NRG1: variants seen among roughly 807,000 people sequenced by gnomAD.
NRG1 encodes the protein neuregulin 1.
Under a neutral mutation model 63.8 loss-of-function variants are expected in NRG1, and 18 were observed. That is an observed-to-expected ratio of 0.28 (90% confidence interval 0.19 to 0.42). NRG1 has a LOEUF of 0.42. Among genes scored for constraint, NRG1 ranks in the 10% least tolerant of loss-of-function variants. The pLI is 1.00. For missense variants in NRG1, 762 were observed against 814.7 expected, an observed-to-expected ratio of 0.94 and a Z score of 0.79; for synonymous variants, 302 against 301.3, an observed-to-expected ratio of 1.00 and a Z score of -0.02.
chr8:32,229,404 G>C (rs1011190423), intron 1 of NRG1, among the ~76,000 whole-genome samples: 1 of 152,112 alleles, frequency 6.6e-6, no homozygotes. Context: ...CAAGATGAAC[G>C]AGTGAACAAC....
intron 1 of NRG1, among the ~76,000 whole-genome samples, chr8:32,224,328 G>T (rs1357798229): frequency 6.6e-6 from 1 of 152,124 alleles, no homozygotes; most frequent in Non-Finnish European, 1.5e-5. Context: ...TTGCAGTACA[G>T]CTCCACCCTT....
At chr8:32,659,946 A>G (rs939654982) in intron 5 of NRG1, among the ~76,000 whole-genome samples, 1 of 152,092 alleles carries the variant, frequency 6.6e-6, no homozygotes, top group Non-Finnish European at 1.5e-5. Context: ...AACCCCCCAT[A>G]ACCTATTGCT....
intron 5 of NRG1, among the ~76,000 whole-genome samples, chr8:32,631,405 T>G (rs889073498): frequency 6.6e-6 from 1 of 152,184 alleles, no homozygotes; most frequent in Admixed American, 6.5e-5. Context: ...TCTCATCTTC[T>G]AATGCACTGG....
At chr8:32,609,157 T>G (rs1232681252) in intron 3 of NRG1, among the ~76,000 whole-genome samples, 1 of 152,154 alleles carries the variant, frequency 6.6e-6, no homozygotes, top group Non-Finnish European at 1.5e-5. Context: ...AAGGCCAGTT[T>G]CCTGTACATT....
At chr8:32,423,447 C>T (rs1478520337) in intron 1 of NRG1, among the ~76,000 whole-genome samples, 1 of 152,118 alleles carries the variant, frequency 6.6e-6, no homozygotes, top group Non-Finnish European at 1.5e-5. Context: ...TCAGGACTTC[C>T]AGCCTGGGCA....
intron 6 of NRG1, 140 bp downstream of exon 6, chr8:32,728,218 T>C (rs1476867944): frequency 6.8e-7 from 1 of 1,471,094 alleles, no homozygotes; most frequent in Non-Finnish European, 9.0e-7. Flanking sequence ...TAGAGTGTTT[T>C]AAAACATTCA....
intron 1 of NRG1, among the ~76,000 whole-genome samples, chr8:32,262,379 AC>A (rs894386651): frequency 3.3e-5 from 5 of 151,888 alleles, no homozygotes; most frequent in Non-Finnish European, 5.9e-5. Flanking sequence ...GAATCAGGAG[AC>A]CCCCCCAAAA....
chr8:31,905,856 A>T (rs1832478250), intron 1 of NRG1, among the ~76,000 whole-genome samples: 1 of 152,232 alleles, frequency 6.6e-6, no homozygotes. Context: ...GGTTTAAAAA[A>T]TTGATGGTTA....
At chr8:32,549,632 T>C (rs1833748683) in intron 1 of NRG1, among the ~76,000 whole-genome samples, 1 of 152,238 alleles carries the variant, frequency 6.6e-6, no homozygotes, top group Admixed American at 6.5e-5. Flanking sequence ...GTTTGCTGGT[T>C]ATCTATATAA....
intron 1 of NRG1, among the ~76,000 whole-genome samples, chr8:32,594,808 G>A (rs992530052): frequency 1.3e-5 from 2 of 152,292 alleles, no homozygotes; most frequent in South Asian, 2.1e-4. Context: ...GAGAGAATTT[G>A]TTGTGAGTAG....
chr8:31,713,357 C>T (rs183201752), intron 1 of NRG1, among the ~76,000 whole-genome samples: 2 of 152,144 alleles, frequency 1.3e-5, no homozygotes, highest in Admixed American at 6.5e-5. Flanking sequence ...ACCTCGTGAT[C>T]CGCCGGCCTC....
chr8:32,743,573 C>CATATATAT (rs71879821), intron 7 of NRG1, among the ~76,000 whole-genome samples: 5,764 of 113,630 alleles, frequency 0.051, 197 homozygotes, highest in East Asian at 0.09. Context: ...TAAGGCAAAA[C>CATATATAT]ATATATATAT....
intron 1 of NRG1, chr8:32,061,806 A>T (rs754725572): frequency 6.6e-6 from 1 of 152,044 alleles, no homozygotes; most frequent in Admixed American, 6.6e-5. Context: ...CTACATAGAG[A>T]GGACGTAGAA....
intron 1 of NRG1, among the ~76,000 whole-genome samples, chr8:32,508,247 G>C (rs777376494): frequency 2.0e-5 from 3 of 151,752 alleles, no homozygotes; most frequent in Admixed American, 1.3e-4. Flanking sequence ...GCCCTGTAGA[G>C]ATCTATAATA....
chr8:32,072,771 T>C (rs1240126904), intron 1 of NRG1, among the ~76,000 whole-genome samples: 4 of 152,172 alleles, frequency 2.6e-5, no homozygotes, highest in Non-Finnish European at 5.9e-5. Flanking sequence ...TTAAAGAATT[T>C]ATTGTGTTAA....
At chr8:31,669,026 AT>A (rs1806833164) in intron 1 of NRG1, among the ~76,000 whole-genome samples, 1 of 152,140 alleles carries the variant, frequency 6.6e-6, no homozygotes, top group South Asian at 2.1e-4. Flanking sequence ...ACTTATACGC[AT>A]AGCCTGAAGG....
At chr8:32,233,563 A>ATATCTATATATAT (rs34593729) in intron 1 of NRG1, among the ~76,000 whole-genome samples, 1 of 67,264 alleles carries the variant, frequency 1.5e-5, no homozygotes, top group Non-Finnish European at 2.5e-5. Context: ...ATATATATAT[A>ATATCTATATATAT]TTTTTTTTTT....
At chr8:32,650,988 G>T (rs1440129135) in intron 5 of NRG1, among the ~76,000 whole-genome samples, 1 of 152,076 alleles carries the variant, frequency 6.6e-6, no homozygotes, top group Non-Finnish European at 1.5e-5. Flanking sequence ...GTAGAAGAGA[G>T]ACAATCCCAG....
intron 1 of NRG1, among the ~76,000 whole-genome samples, chr8:32,511,876 G>A (rs960758929): frequency 1.3e-5 from 2 of 152,192 alleles, no homozygotes; most frequent in Non-Finnish European, 2.9e-5. Context: ...CAGCCCCAGG[G>A]AGCTGTGATG....
Sources: allele counts gnomAD v4.1 joint callset (sites outside exome capture counted in the v4.1 genomes callset), GRCh38; gene constraint gnomAD v4.1.1; transcripts MANE v1.5; gene names NCBI Gene and HGNC (gene_info 2026-07-23, HGNC 2026-07-21).